The following TIMP2 variants were observed in gnomAD, a reference collection of about 807,000 sequenced individuals.
The protein encoded by TIMP2 is TIMP metallopeptidase inhibitor 2.
A neutral mutation model predicts 24.3 loss-of-function variants in TIMP2; 5 were observed. The observed-to-expected ratio is 0.21, with a 90% confidence interval of 0.11 to 0.43. The LOEUF is 0.43. Among genes scored for constraint, TIMP2 ranks in the 20% least tolerant of loss-of-function variants. The probability of loss-of-function intolerance (pLI) is 1.00; values close to 1 mark genes in which losing one functional copy is unlikely to be tolerated. For synonymous variants in TIMP2, 130 were observed against 123.2 expected, an observed-to-expected ratio of 1.06 and a Z score of -0.37; for missense variants, 221 against 297.5, an observed-to-expected ratio of 0.74 and a Z score of 1.89.
intron 1 of TIMP2, among the ~76,000 whole-genome samples, chr17:78,890,011 C>T (rs1233644701): frequency 1.3e-5 from 2 of 151,980 alleles, no homozygotes; most frequent in Non-Finnish European, 2.9e-5. Flanking sequence ...CCCAGCTACT[C>T]GGGAGGCTGA....
At chr17:78,876,831 C>A (rs1271524256) in intron 1 of TIMP2, among the ~76,000 whole-genome samples, 1 of 152,096 alleles carries the variant, frequency 6.6e-6, no homozygotes, top group Non-Finnish European at 1.5e-5. Context: ...CCAGCCTGAA[C>A]AGGCAAGTTT....
chr17:78,914,431 C>T (rs1360009228), intron 1 of TIMP2, among the ~76,000 whole-genome samples: 6 of 151,514 alleles, frequency 4.0e-5, no homozygotes, highest in South Asian at 2.1e-4. Context: ...TACAGGCACC[C>T]GCCACCATGC....
At chr17:78,889,173 A>G (rs1392262668) in intron 1 of TIMP2, among the ~76,000 whole-genome samples, 1 of 152,212 alleles carries the variant, frequency 6.6e-6, no homozygotes, top group Non-Finnish European at 1.5e-5. Context: ...AGGCTAAAAT[A>G]TTTACTCTCT....
At chr17:78,870,132 T>A (rs1030388291) in intron 3 of TIMP2, among the ~76,000 whole-genome samples, 1 of 152,140 alleles carries the variant, frequency 6.6e-6, no homozygotes, top group Non-Finnish European at 1.5e-5. Flanking sequence ...TTGAAAATGG[T>A]TGGCCGGGCG....
At chr17:78,903,786 G>A (rs540063067) in intron 1 of TIMP2, among the ~76,000 whole-genome samples, 2 of 152,138 alleles carry the variant, frequency 1.3e-5, no homozygotes, top group African/African-American at 4.8e-5. Context: ...GATGAACATG[G>A]GACACTGGGG....
intron 2 of TIMP2, among the ~76,000 whole-genome samples, chr17:78,872,490 T>C (rs550850544): frequency 5.2e-4 from 79 of 152,288 alleles, no homozygotes; most frequent in African/African-American, 5.3e-4. Context: ...GGCTGTTTTT[T>C]TCCCCCCGAA....
At chr17:78,860,714 A>G (rs748001566) in intron 3 of TIMP2, among the ~76,000 whole-genome samples, 81 of 152,326 alleles carry the variant, frequency 5.3e-4, no homozygotes, top group East Asian at 9.6e-4. Context: ...CTATAACTTC[A>G]TAAGGTAAAT....
At chr17:78,915,466 A>G (rs187169034) in intron 1 of TIMP2, among the ~76,000 whole-genome samples, 84 of 151,980 alleles carry the variant, frequency 5.5e-4, no homozygotes, top group Non-Finnish European at 6.5e-4. Context: ...ATCAGTCTGA[A>G]TCAGCACCAT....
At chr17:78,913,310 C>T (rs746540711) in intron 1 of TIMP2, among the ~76,000 whole-genome samples, 36 of 152,320 alleles carry the variant, frequency 2.4e-4, no homozygotes, top group Non-Finnish European at 4.3e-4. Flanking sequence ...CTGGAAGCTG[C>T]AAAATTAGAG....
chr17:78,912,757 T>G (rs1311336547), intron 1 of TIMP2, among the ~76,000 whole-genome samples: 2 of 152,174 alleles, frequency 1.3e-5, no homozygotes. Context: ...AGGCTGGGGA[T>G]CCGAAAAGGT....
intron 1 of TIMP2, 64 bp from the exon 2 acceptor site, chr17:78,873,983 G>T: frequency 1.4e-6 from 2 of 1,480,222 alleles, no homozygotes; most frequent in Non-Finnish European, 1.9e-6. Flanking sequence ...GCTAAGGAGA[G>T]GGATAAGACG....
intron 1 of TIMP2, among the ~76,000 whole-genome samples, chr17:78,884,641 C>T (rs865826701): frequency 1.3e-5 from 2 of 152,270 alleles, no homozygotes; most frequent in Middle Eastern, 3.4e-3. Flanking sequence ...TAAGCTTGTC[C>T]TGGGGGGTGT....
intron 3 of TIMP2, among the ~76,000 whole-genome samples, chr17:78,862,290 T>C (rs956143239): frequency 5.9e-5 from 9 of 152,196 alleles, no homozygotes; most frequent in Non-Finnish European, 1.2e-4. Flanking sequence ...GGTTAGCCCC[T>C]GGATAAAGGG....
rs1265848021 is a variant in TIMP2, at chr17:78,891,852, C to A, written c.131-17933G>T. Reference sequence around the variant, plus strand: ...CTTCCCTTTCTCTTCTCAGGCGGGGCCAGGTGAGAATTCATCCGACCCGTG... The same window carrying A: ...CTTCCCTTTCTCTTCTCAGGCGGGGACAGGTGAGAATTCATCCGACCCGTG... On this transcript the variant is annotated intron_variant, in intron 1 of 4. Transcript: ENST00000262768. This position sits in a 1 kb window ranked among gnomAD's most constrained non-coding sequence, Gnocchi z 4.5. 6.4e-7 allele frequency: 1 copy of A among 1,550,718 alleles called. No homozygotes were observed. The highest frequency in any genetic ancestry group is 8.7e-7 in the Non-Finnish European group (1 of 1,147,008).
chr17:78,894,150 C>T (rs1212544714), intron 1 of TIMP2, among the ~76,000 whole-genome samples: 3 of 152,108 alleles, frequency 2.0e-5, no homozygotes, highest in African/African-American at 7.2e-5. Context: ...GGCATGTATC[C>T]GTTCATCTTT....
At chr17:78,892,842 T>A (rs1352764369) in intron 1 of TIMP2, among the ~76,000 whole-genome samples, 2 of 152,114 alleles carry the variant, frequency 1.3e-5, no homozygotes, top group Admixed American at 6.5e-5. Context: ...GTGAATAACC[T>A]GGCCAGAGAT....
At chr17:78,892,208 G>A in intron 1 of TIMP2, 1 of 1,550,966 alleles carries the variant, frequency 6.4e-7, no homozygotes, top group South Asian at 1.2e-5. Flanking sequence ...CCACAGCTTG[G>A]CATCCGCTCT....
intron 1 of TIMP2, among the ~76,000 whole-genome samples, chr17:78,921,483 C>G (rs987089024): frequency 3.9e-5 from 6 of 152,164 alleles, no homozygotes; most frequent in Non-Finnish European, 7.3e-5. Context: ...AGTCCAGAAA[C>G]GGGCCCAAGC....
At chr17:78,876,097 C>T (rs2069725647) in intron 1 of TIMP2, among the ~76,000 whole-genome samples, 1 of 152,152 alleles carries the variant, frequency 6.6e-6, no homozygotes, top group African/African-American at 2.4e-5. Context: ...TTTCCAGTGC[C>T]CTCCTAACCA....
Sources: gnomAD v4.1 joint callset for allele counts (sites outside exome capture counted in the v4.1 genomes callset) on GRCh38, gnomAD v4.1.1 for gene constraint, Gnocchi (gnomAD v3.1) non-coding constraint, MANE v1.5 for transcripts, NCBI Gene and HGNC (gene_info 2026-07-23, HGNC 2026-07-21) for gene names.